The following PPM1L variants were observed in gnomAD, a reference collection of about 807,000 sequenced individuals.
The protein encoded by PPM1L is protein phosphatase, Mg2+/Mn2+ dependent 1L.
In PPM1L, 13 loss-of-function variants were observed where a neutral mutation model predicts 31.4. The observed-to-expected ratio is 0.41, with a 90% CI of 0.27 to 0.66. The LOEUF is 0.66. PPM1L is among the 30% of genes least tolerant of loss of function. The pLI, the probability that PPM1L is intolerant of heterozygous loss-of-function variation, is 0.29. For synonymous variants in PPM1L, 184 were observed against 175.4 expected (o/e 1.05, Z -0.39); for missense variants, 326 against 453.7 (o/e 0.72, Z 2.56).
chr3:161,047,774 A>G (rs1336379265), intron 2 of PPM1L, among the ~76,000 whole-genome samples: 2 of 152,238 alleles, frequency 1.3e-5, no homozygotes, highest in Non-Finnish European at 2.9e-5. Context: ...GCCCTCAGAA[A>G]TAATACCACA....
intron 2 of PPM1L, among the ~76,000 whole-genome samples, chr3:161,058,344 C>T (rs1483220625): frequency 2.0e-5 from 3 of 151,440 alleles, no homozygotes; most frequent in South Asian, 2.1e-4. Flanking sequence ...AGGCTGGTCT[C>T]GAACTCCTAA....
At chr3:160,856,288 A>T (rs1404982325) in intron 1 of PPM1L, among the ~76,000 whole-genome samples, 1 of 152,100 alleles carries the variant, frequency 6.6e-6, no homozygotes, top group African/African-American at 2.4e-5. Flanking sequence ...AATCAAGTTG[A>T]CTCTTAATAT....
rs1715978754 is a variant in PPM1L, at chr3:160,961,927, AAC to A, written c.574+23_574+24del. 1 of 1,531,420 alleles carries A rather than the reference AAC, an allele frequency of 6.5e-7. No homozygotes were observed. Among genetic ancestry groups the A allele is most frequent in the African/African-American group, 1.4e-5 (1 of 70,386 alleles). 94.9% of individuals were successfully genotyped at this position (1,531,420 alleles called of 1,614,324 possible). ...ATGAAGCAGGTATGTTTGTTTTTAA[AAC>A]ACACATTTTTTTTCCTTGCAAAAAA... On this transcript the variant is annotated intron_variant, in intron 2 of 3. Coordinates refer to ENST00000498165, the MANE Select transcript of PPM1L (RefSeq NM_139245.4).
At chr3:160,943,098 A>G (rs1323825907) in intron 1 of PPM1L, among the ~76,000 whole-genome samples, 2 of 152,264 alleles carry the variant, frequency 1.3e-5, no homozygotes, top group East Asian at 1.9e-4. Flanking sequence ...AGGCTAGATA[A>G]TTGTGCATAA....
At chr3:160,821,511 T>A (rs1713201901) in intron 1 of PPM1L, among the ~76,000 whole-genome samples, 2 of 152,110 alleles carry the variant, frequency 1.3e-5, no homozygotes, top group Non-Finnish European at 2.9e-5. Context: ...AGTTTTCATA[T>A]GTAATCCTTA....
chr3:160,851,336 A>C (rs565427758), intron 1 of PPM1L, among the ~76,000 whole-genome samples: 1 of 152,280 alleles, frequency 6.6e-6, no homozygotes, highest in Non-Finnish European at 1.5e-5. Context: ...CAAATCAGTG[A>C]TTCTATTATT....
At chr3:160,958,439 T>A (rs1715851628) in intron 1 of PPM1L, among the ~76,000 whole-genome samples, 1 of 152,186 alleles carries the variant, frequency 6.6e-6, no homozygotes, top group Non-Finnish European at 1.5e-5. Flanking sequence ...TTGTAAAATG[T>A]GAATTATGGA....
Position 160,965,894 on chromosome 3 carries a change from C to T in PPM1L, c.574+3984C>T, listed in dbSNP as rs977263369. On this transcript the variant is annotated intron_variant, in intron 2 of 3. Coordinates refer to ENST00000498165, the MANE Select transcript of PPM1L (RefSeq NM_139245.4). The stretch of plus-strand genomic sequence containing the variant: ...TAATGACAATTACTGCTATTTGTAG[C>T]GTCTAAACTTCTATTAATAAAAAAA... 1.1e-4 allele frequency among the ~76,000 whole-genome samples: 16 copies of T among 151,994 alleles called. 1 individual carries two copies. The highest frequency in any genetic ancestry group is 4.6e-4 in the Admixed American group (7 of 15,230).
rs756194732 is a variant in PPM1L, at chr3:160,839,903, AT to A, written c.399+83197del. On this transcript the variant is annotated intron_variant, in intron 1 of 3. Coordinates refer to ENST00000498165, the MANE Select transcript of PPM1L (RefSeq NM_139245.4). ...TTTCCCTAGGTGACATAAAAAATAT[AT>A]CTCGAATGTATGCATTTTTCCTATT... Among the ~76,000 whole-genome samples the A allele has an allele frequency of 3.5e-4, 53 of 152,324 alleles. No homozygotes were observed. In the South Asian group the frequency reaches 4.1e-3, roughly 12 times the overall value.
At chr3:160,910,035 A>G (rs757534275) in intron 1 of PPM1L, among the ~76,000 whole-genome samples, 38 of 152,148 alleles carry the variant, frequency 2.5e-4, no homozygotes, top group Non-Finnish European at 4.0e-4. Flanking sequence ...CATGAATATT[A>G]ACTATTTACT....
chr3:160,818,228 A>T (rs1287882034), intron 1 of PPM1L, among the ~76,000 whole-genome samples: 2 of 152,036 alleles, frequency 1.3e-5, no homozygotes, highest in African/African-American at 4.8e-5. Context: ...AAGAAAGGTT[A>T]TGAAGCACAG....
At chr3:160,904,397 G>A (rs2108056911) in intron 1 of PPM1L, among the ~76,000 whole-genome samples, 1 of 152,260 alleles carries the variant, frequency 6.6e-6, no homozygotes, top group South Asian at 2.1e-4. Flanking sequence ...GAAAAAGACT[G>A]GAAGAAAATA....
chr3:160,828,076 C>A (rs1398632614), intron 1 of PPM1L, among the ~76,000 whole-genome samples: 1 of 151,968 alleles, frequency 6.6e-6, no homozygotes, highest in Non-Finnish European at 1.5e-5. Flanking sequence ...ATGACGCAAA[C>A]ACCTCCCACC....
intron 1 of PPM1L, among the ~76,000 whole-genome samples, chr3:160,893,137 G>A (rs1045518059): frequency 2.0e-5 from 3 of 152,180 alleles, no homozygotes; most frequent in East Asian, 3.8e-4. Flanking sequence ...TTAACTTCCT[G>A]ATGAAGAACC....
At chr3:161,014,594 C>T (rs1424171131) in intron 2 of PPM1L, among the ~76,000 whole-genome samples, 3 of 151,962 alleles carry the variant, frequency 2.0e-5, no homozygotes, top group Non-Finnish European at 4.4e-5. Flanking sequence ...CCTGCCTCAG[C>T]CCCCTGAGTA....
intron 1 of PPM1L, among the ~76,000 whole-genome samples, chr3:160,871,704 G>A (rs1712312034): frequency 6.6e-6 from 1 of 151,998 alleles, no homozygotes; most frequent in African/African-American, 2.4e-5. Context: ...CATTTCAGCA[G>A]GCTCTGTACG....
rs1711832045 is a variant in PPM1L, at chr3:160,784,175, T to C, written c.399+27468T>C. Among the ~76,000 whole-genome samples the C allele has an allele frequency of 2.0e-5, 3 of 152,208 alleles. 1 individual carries two copies. In the South Asian group the frequency reaches 6.2e-4, roughly 31 times the overall value. ...CTTGCTTTTAAAAAAAGCGTACCTA[T>C]CTATATTCACAGATATATACTGATA... On this transcript the variant is annotated intron_variant, in intron 1 of 3. Coordinates refer to ENST00000498165, the MANE Select transcript of PPM1L (RefSeq NM_139245.4).
intron 1 of PPM1L, among the ~76,000 whole-genome samples, chr3:160,867,114 C>T (rs1277422757): frequency 6.6e-6 from 1 of 151,988 alleles, no homozygotes; most frequent in Non-Finnish European, 1.5e-5. Flanking sequence ...TGCTGGGAGC[C>T]TGTATATATT....
chr3:160,968,227 G>T (rs538463584), intron 2 of PPM1L, among the ~76,000 whole-genome samples: 2 of 152,162 alleles, frequency 1.3e-5, no homozygotes, highest in African/African-American at 4.8e-5. Context: ...ACCTTTTATT[G>T]TATTAGCATG....
Sources: allele counts gnomAD v4.1 joint callset (sites outside exome capture counted in the v4.1 genomes callset), GRCh38; gene constraint gnomAD v4.1.1; transcripts MANE v1.5; gene names NCBI Gene and HGNC (gene_info 2026-07-23, HGNC 2026-07-21).